The following SLCO6A1 variants were observed in gnomAD, a reference collection of about 807,000 sequenced individuals.
SLCO6A1 encodes the protein solute carrier organic anion transporter family member 6A1.
SLCO6A1 carries 65 observed loss-of-function variants against 72.7 expected under a neutral mutation model. The ratio of observed to expected loss-of-function variants is 0.89; its 90% CI spans 0.73 to 1.10. SLCO6A1 has a LOEUF of 1.10. SLCO6A1 is among the 50% of genes least tolerant of loss of function. The pLI is 0.00. For synonymous variants in SLCO6A1, 314 were observed against 298.2 expected, an observed-to-expected ratio of 1.05 and a Z score of -0.55; for missense variants, 874 against 872.6, an observed-to-expected ratio of 1.00 and a Z score of -0.02.
chr5:102,378,012 T>C lies in SLCO6A1; in HGVS notation c.2018-4518A>G, dbSNP rs147460902. ...TTCTGCTTATTGAATATTTATATAA[T>C]TTCAAATTTTAATATTTATTTTCTT... On this transcript the variant is annotated intron_variant, in intron 12 of 13. Transcript: ENST00000506729. 1.1e-3 allele frequency among the ~76,000 whole-genome samples: 163 copies of C among 151,620 alleles called. 2 individuals are homozygous for C. In the East Asian group the frequency reaches 0.026, roughly 24 times the overall value.
In SLCO6A1 at chr5:102,498,816, C is replaced by T. The variant is rs1561510264; in HGVS notation, c.29G>A (p.Gly10Glu). 5 of 1,612,696 alleles carry T rather than the reference C, an allele frequency of 3.1e-6. No individual in the cohort carries two copies. Among genetic ancestry groups the T allele is most frequent in the East Asian group, 2.2e-5 (1 of 44,834 alleles). Residue 10 changes from glycine (G) to glutamate (E), a missense_variant, in exon 1 of 14, where the codon GGG (glycine) becomes GAG (glutamate). Physicochemically the swap from Gly to Glu is moderately conservative, Grantham distance 98. Transcript: ENST00000506729. ...TCCCCTTGAGACTTCATCCTGGCTC[C>T]CAGAGTGCCGGGCGACGCCTACGAA... MFVGVARHS[G>E]SQDEVSRGVE...
intron 7 of SLCO6A1, among the ~76,000 whole-genome samples, chr5:102,431,469 C>T (rs959813841): frequency 4.6e-5 from 7 of 151,016 alleles, no homozygotes; most frequent in African/African-American, 1.7e-4. Flanking sequence ...TGTTCTCATT[C>T]TGTCTTAATT....
At chr5:102,446,733 G>A (rs1373976348) in intron 6 of SLCO6A1, among the ~76,000 whole-genome samples, 1 of 148,760 alleles carries the variant, frequency 6.7e-6, no homozygotes, top group Admixed American at 6.7e-5. Flanking sequence ...ATGTACCTTC[G>A]ATGCCTAGTT....
chr5:102,461,342 A>T lies in SLCO6A1; in HGVS notation c.900-1565T>A, dbSNP rs183980455. ...GAAAATAGTGTAACATACCATATGT[A>T]TAAAAAGATAACAGTCCTAATGTGG... On this transcript the variant is annotated intron_variant, in intron 4 of 13. Transcript: ENST00000506729. 2.1e-3 allele frequency among the ~76,000 whole-genome samples: 318 copies of T among 152,216 alleles called. 3 individuals are homozygous for T. Among genetic ancestry groups the T allele is most frequent in the African/African-American group, 7.3e-3 (302 of 41,576 alleles).
intron 1 of SLCO6A1, among the ~76,000 whole-genome samples, chr5:102,496,964 T>G (rs2112877299): frequency 6.6e-6 from 1 of 152,256 alleles, no homozygotes; most frequent in Admixed American, 6.5e-5. Context: ...TGCTTGTTCT[T>G]CTAAGAAACT....
At chr5:102,484,246 A>T (rs1752339308) in intron 1 of SLCO6A1, among the ~76,000 whole-genome samples, 1 of 152,230 alleles carries the variant, frequency 6.6e-6, no homozygotes, top group Non-Finnish European at 1.5e-5. Context: ...ATTGACTCCA[A>T]GCCCAATCAT....
intron 12 of SLCO6A1, among the ~76,000 whole-genome samples, chr5:102,386,910 T>C (rs1183871271): frequency 6.6e-6 from 1 of 152,194 alleles, no homozygotes; most frequent in East Asian, 1.9e-4. Flanking sequence ...GGTATCTCTC[T>C]GCACTGTTCT....
intron 4 of SLCO6A1, among the ~76,000 whole-genome samples, chr5:102,469,988 C>T (rs55660231): frequency 2.0e-5 from 3 of 152,016 alleles, no homozygotes. Context: ...GTTGAACCAG[C>T]CTTGCATCCC....
intron 12 of SLCO6A1, among the ~76,000 whole-genome samples, chr5:102,380,130 A>G (rs1746029326): frequency 6.6e-6 from 1 of 151,984 alleles, no homozygotes; most frequent in Non-Finnish European, 1.5e-5. Flanking sequence ...ATGGGTGCTA[A>G]TTACAGGTGT....
intron 7 of SLCO6A1, among the ~76,000 whole-genome samples, chr5:102,434,197 G>A (rs2112664098): frequency 6.6e-6 from 1 of 152,182 alleles, no homozygotes; most frequent in South Asian, 2.1e-4. Flanking sequence ...TTTATACGAT[G>A]AGTAGCCTTG....
chr5:102,382,990 AT>A (rs889973820), intron 12 of SLCO6A1, among the ~76,000 whole-genome samples: 8 of 145,438 alleles, frequency 5.5e-5, no homozygotes, highest in African/African-American at 7.9e-5. Context: ...AGATATATAT[AT>A]GTGTATATAT....
chr5:102,484,844 T>C (rs375967264), intron 1 of SLCO6A1, among the ~76,000 whole-genome samples: 1 of 152,210 alleles, frequency 6.6e-6, no homozygotes, highest in Non-Finnish European at 1.5e-5. Context: ...AAAATGTGAT[T>C]CATATCTTTT....
chr5:102,389,463 CACAG>C (rs1746624527), intron 11 of SLCO6A1, among the ~76,000 whole-genome samples: 1 of 120,090 alleles, frequency 8.3e-6, no homozygotes, highest in Non-Finnish European at 1.8e-5. Context: ...CCCCCACACA[CACAG>C]AGTTGCCCCC....
chr5:102,497,091 G>C (rs1024104081), intron 1 of SLCO6A1, among the ~76,000 whole-genome samples: 4 of 152,174 alleles, frequency 2.6e-5, no homozygotes, highest in African/African-American at 9.7e-5. Flanking sequence ...GAGCAAAAAA[G>C]AGAACAGGTT....
intron 13 of SLCO6A1, 65 bp from the exon 14 acceptor site, chr5:102,372,188 G>A (rs1273922934): frequency 6.6e-6 from 1 of 151,918 alleles, no homozygotes; most frequent in Non-Finnish European, 1.5e-5. Context: ...CTAGTTTATA[G>A]GTTTTTAAAA....
chr5:102,482,419 CCTT>C (rs1406204899), intron 1 of SLCO6A1, among the ~76,000 whole-genome samples: 1 of 152,098 alleles, frequency 6.6e-6, no homozygotes, highest in Admixed American at 6.5e-5. Context: ...TTCATAGCTT[CCTT>C]CTTCTACTAT....
At position 102,380,941 on chromosome 5, in the gene SLCO6A1, G is replaced by A. The variant is rs537124233; in HGVS notation, c.2018-7447C>T. Among the ~76,000 whole-genome samples, 62 of 151,738 alleles carry A rather than the reference G, an allele frequency of 4.1e-4. No individual in the cohort carries two copies. The South Asian group carries it at 0.013, about 31-fold the overall frequency. On this transcript the variant is annotated intron_variant, in intron 12 of 13. Coordinates refer to ENST00000506729, the MANE Select transcript of SLCO6A1 (RefSeq NM_173488.5). ...GTCCATGGAATTCTTTTCTCCCTAA[G>A]CTTTATAATGGTTTAATTGACAAAT...
intron 6 of SLCO6A1, among the ~76,000 whole-genome samples, chr5:102,443,041 C>T (rs1270004690): frequency 6.6e-6 from 1 of 152,046 alleles, no homozygotes; most frequent in Non-Finnish European, 1.5e-5. Flanking sequence ...ACTAAAAACA[C>T]AAAAAATTAG....
intron 10 of SLCO6A1, chr5:102,391,323 G>T (rs1395717496): frequency 7.9e-6 from 3 of 377,368 alleles, no homozygotes; most frequent in African/African-American, 4.1e-5. Context: ...TTCCTTTGCT[G>T]GAAAGACTTA....
Sources: gnomAD v4.1 joint callset for allele counts (sites outside exome capture counted in the v4.1 genomes callset) on GRCh38, gnomAD v4.1.1 for gene constraint, MANE v1.5 for transcripts, NCBI Gene and HGNC (gene_info 2026-07-23, HGNC 2026-07-21) for gene names.